The following MYO6 variants were observed in gnomAD, a reference collection of about 807,000 sequenced individuals.
MYO6 encodes unconventional myosin-VI.
A neutral mutation model predicts 178.7 loss-of-function variants in MYO6; 74 were observed. The observed-to-expected ratio is 0.41, with a 90% CI of 0.34 to 0.50. The LOEUF is 0.50. Ranked by LOEUF, MYO6 falls within the 20% of genes least tolerant of loss-of-function variation. The pLI, the probability that MYO6 is intolerant of heterozygous loss-of-function variation, is 0.09. For synonymous variants in MYO6, 477 were observed against 504.6 expected (o/e 0.95, Z 0.73); for missense variants, 1,330 against 1,547.4 (o/e 0.86, Z 2.36).
intron 13 of MYO6, 83 bp from the exon 14 acceptor site, chr6:75,858,819 T>C (rs747980541): frequency 2.5e-4 from 202 of 794,606 alleles, no homozygotes; most frequent in Non-Finnish European, 2.6e-4. Context: ...ATTAAGCCAT[T>C]ATTACAATTA....
intron 1 of MYO6, among the ~76,000 whole-genome samples, chr6:75,794,094 A>C (rs1768531044): frequency 6.6e-6 from 1 of 152,206 alleles, no homozygotes; most frequent in Non-Finnish European, 1.5e-5. Flanking sequence ...TGGAAGGGTT[A>C]GAAAGTCAAG....
intron 20 of MYO6, among the ~76,000 whole-genome samples, chr6:75,874,494 T>C (rs1777409647): frequency 6.6e-6 from 1 of 152,214 alleles, no homozygotes; most frequent in Non-Finnish European, 1.5e-5. Flanking sequence ...CTTAACTAAA[T>C]ATCCTAAAGC....
At position 75,777,609 on chromosome 6, in the gene MYO6, T is replaced by TA. The variant is rs1459304428; in HGVS notation, c.-48+28186_-48+28187insA. The stretch of plus-strand genomic sequence containing the variant: ...CACCCAGCTAATTTATATATATATA[T>TA]TTTTTTTTGTGGAGACAAGGTTTCG... On this transcript the variant is annotated intron_variant, in intron 1 of 34. Coordinates refer to ENST00000369977, the MANE Select transcript of MYO6 (RefSeq NM_004999.4). Among the ~76,000 whole-genome samples, 331 of 150,456 alleles carry TA rather than the reference T, an allele frequency of 2.2e-3. 1 individual carries two copies. Among genetic ancestry groups the TA allele is most frequent in the African/African-American group, 7.6e-3 (312 of 41,054 alleles).
intron 7 of MYO6, among the ~76,000 whole-genome samples, chr6:75,839,939 A>G (rs969730893): frequency 1.3e-5 from 2 of 151,926 alleles, no homozygotes; most frequent in Non-Finnish European, 2.9e-5. Flanking sequence ...CTGATATACT[A>G]GATAAAACAG....
intron 1 of MYO6, among the ~76,000 whole-genome samples, chr6:75,765,622 C>T (rs1778350676): frequency 6.6e-6 from 1 of 152,050 alleles, no homozygotes; most frequent in African/African-American, 2.4e-5. Context: ...ATGGTATGTG[C>T]ATCTAGTCCC....
chr6:75,868,691 A>G (rs1165826680), intron 18 of MYO6, among the ~76,000 whole-genome samples: 2 of 152,126 alleles, frequency 1.3e-5, no homozygotes, highest in Non-Finnish European at 2.9e-5. Context: ...ATATAGTAGA[A>G]TAGCTCATTA....
At chr6:75,903,040 G>A (rs1281918270) in intron 30 of MYO6, among the ~76,000 whole-genome samples, 2 of 152,120 alleles carry the variant, frequency 1.3e-5, no homozygotes, top group African/African-American at 4.8e-5. Flanking sequence ...GCGGTTTTGA[G>A]TGAGATTCTT....
chr6:75,823,852 G>C (rs1379030175), intron 3 of MYO6, among the ~76,000 whole-genome samples: 1 of 152,184 alleles, frequency 6.6e-6, no homozygotes, highest in African/African-American at 2.4e-5. Flanking sequence ...TGTATGATTA[G>C]AGATGATATA....
intron 7 of MYO6, among the ~76,000 whole-genome samples, chr6:75,840,033 T>C (rs982108028): frequency 6.6e-6 from 1 of 152,086 alleles, no homozygotes; most frequent in Non-Finnish European, 1.5e-5. Context: ...TCCTATAACA[T>C]TTATATTTTC....
intron 1 of MYO6, among the ~76,000 whole-genome samples, chr6:75,812,057 C>G (rs1770748061): frequency 6.6e-6 from 1 of 152,084 alleles, no homozygotes; most frequent in Non-Finnish European, 1.5e-5. Flanking sequence ...CTTACTCTGT[C>G]TCCCAGGCTG....
At chr6:75,804,986 T>C (rs900498820) in intron 1 of MYO6, among the ~76,000 whole-genome samples, 2 of 128,654 alleles carry the variant, frequency 1.6e-5, no homozygotes, top group East Asian at 4.3e-4. Flanking sequence ...CACACACATA[T>C]ATATATACAC....
chr6:75,857,547 G>A (rs1775832612), intron 13 of MYO6, among the ~76,000 whole-genome samples: 1 of 152,144 alleles, frequency 6.6e-6, no homozygotes, highest in South Asian at 2.1e-4. Flanking sequence ...CTGAATAAAG[G>A]TAAATCCTTG....
chr6:75,799,371 CAA>C, intron 1 of MYO6, among the ~76,000 whole-genome samples: 1 of 141,354 alleles, frequency 7.1e-6, no homozygotes, highest in Non-Finnish European at 1.5e-5. Flanking sequence ...CCCCGGACGA[CAA>C]GAGCAAAACT....
chr6:75,827,810 C>T (rs970665437), intron 3 of MYO6, among the ~76,000 whole-genome samples: 1 of 152,120 alleles, frequency 6.6e-6, no homozygotes, highest in African/African-American at 2.4e-5. Flanking sequence ...TTAGTGTTGA[C>T]TAAGGTTTAC....
At chr6:75,894,837 C>T in intron 28 of MYO6, 1 of 1,515,740 alleles carries the variant, frequency 6.6e-7, no homozygotes, top group Non-Finnish European at 8.9e-7. Flanking sequence ...CCGGTAACTT[C>T]TAAGTAAGAA....
chr6:75,817,461 A>G (rs1771391739), intron 1 of MYO6, 40 bp from the exon 2 acceptor site: 2 of 1,050,940 alleles, frequency 1.9e-6, no homozygotes. Flanking sequence ...TATATATTTC[A>G]AAACTGATTC....
rs982469853 is a variant in MYO6 at position 75,917,700 on chromosome 6, A to G, written c.*2688A>G. ...TGTGAACCATTTTGTTTTGCAAGCA[A>G]CCAAGGAAAGAACATCTTAAGTGGA... On this transcript the variant is annotated 3_prime_UTR_variant, in exon 35 of 35. Coordinates refer to ENST00000369977, the MANE Select transcript of MYO6 (RefSeq NM_004999.4). 2.0e-5 allele frequency: 3 copies of G among 152,628 alleles called. No individual in the cohort carries two copies. The highest frequency in any genetic ancestry group is 4.8e-5 in the African/African-American group (2 of 41,460). 9.5% of individuals were successfully genotyped at this position (152,628 alleles called of 1,614,324 possible).
chr6:75,908,388 T>G (rs1166963964), intron 31 of MYO6, 108 bp from the exon 32 acceptor site: 2 of 1,037,466 alleles, frequency 1.9e-6, no homozygotes, highest in African/African-American at 3.3e-5. Context: ...TTTGTACCAT[T>G]AATTTAAAAA....
chr6:75,880,569 A>G (rs1268235060), intron 22 of MYO6, among the ~76,000 whole-genome samples: 1 of 152,216 alleles, frequency 6.6e-6, no homozygotes, highest in South Asian at 2.1e-4. Flanking sequence ...CCTGGGCCAC[A>G]TGTGGCCCAT....
Sources: gnomAD v4.1 joint callset for allele counts (sites outside exome capture counted in the v4.1 genomes callset) on GRCh38, gnomAD v4.1.1 for gene constraint, MANE v1.5 for transcripts, NCBI Gene and HGNC (gene_info 2026-07-23, HGNC 2026-07-21) for gene names.